The following GRID1 variants were observed in gnomAD, a reference collection of about 807,000 sequenced individuals.
GRID1 encodes glutamate receptor ionotropic, delta-1.
In GRID1, 28 loss-of-function variants were observed where a neutral mutation model predicts 98.0. The ratio of observed to expected loss-of-function variants is 0.29; its 90% CI spans 0.21 to 0.39. GRID1 has a LOEUF of 0.39. Ranked by LOEUF, GRID1 falls within the 10% of genes least tolerant of loss-of-function variation. GRID1 has a pLI of 1.00. For synonymous variants in GRID1, 553 were observed against 538.5 expected (o/e 1.03, Z -0.37); for missense variants, 1,111 against 1,340.5 (o/e 0.83, Z 2.67).
chr10:86,324,154 G>C (rs1412825978), intron 2 of GRID1, among the ~76,000 whole-genome samples: 1 of 152,068 alleles, frequency 6.6e-6, no homozygotes, highest in Non-Finnish European at 1.5e-5. Context: ...ACTCCAGCCT[G>C]GGTGACAGAG....
chr10:85,881,129 C>T (rs574285540), intron 5 of GRID1, among the ~76,000 whole-genome samples: 1 of 152,222 alleles, frequency 6.6e-6, no homozygotes, highest in African/African-American at 2.4e-5. Flanking sequence ...AAAGAGGATA[C>T]AAAGAAATGG....
chr10:86,090,635 T>A (rs1844132216), intron 4 of GRID1, among the ~76,000 whole-genome samples: 1 of 151,664 alleles, frequency 6.6e-6, no homozygotes, highest in Non-Finnish European at 1.5e-5. Flanking sequence ...CAGGGAAACA[T>A]GACAGACAGG....
At chr10:86,007,582 A>AGATGTCAGGAG (rs1842875449) in intron 4 of GRID1, among the ~76,000 whole-genome samples, 1 of 152,234 alleles carries the variant, frequency 6.6e-6, no homozygotes, top group Non-Finnish European at 1.5e-5. Context: ...TCTTTATACA[A>AGATGTCAGGAG]TATCACTGCT....
At chr10:86,079,515 G>A (rs1263721249) in intron 4 of GRID1, among the ~76,000 whole-genome samples, 1 of 152,164 alleles carries the variant, frequency 6.6e-6, no homozygotes, top group East Asian at 1.9e-4. Flanking sequence ...ACCAGGAAGT[G>A]AGGGAAATAG....
chr10:86,310,671 G>A (rs909639735), intron 2 of GRID1, among the ~76,000 whole-genome samples: 4 of 152,148 alleles, frequency 2.6e-5, no homozygotes, highest in African/African-American at 9.7e-5. Flanking sequence ...TCCAGAAAAG[G>A]CAGCTGATGG....
chr10:86,253,237 G>T (rs1336683174), intron 2 of GRID1, among the ~76,000 whole-genome samples: 1 of 152,202 alleles, frequency 6.6e-6, no homozygotes, highest in Non-Finnish European at 1.5e-5. Context: ...ATCTCCAAAA[G>T]CCGGGTTCCA....
chr10:85,832,056 T>C (rs982086551), intron 8 of GRID1, among the ~76,000 whole-genome samples: 2 of 151,864 alleles, frequency 1.3e-5, no homozygotes, highest in African/African-American at 4.8e-5. Flanking sequence ...AGAAAACAAT[T>C]TTTTTTGTGC....
intron 4 of GRID1, among the ~76,000 whole-genome samples, chr10:86,101,066 C>T (rs758364203): frequency 3.3e-5 from 5 of 151,848 alleles, no homozygotes; most frequent in South Asian, 2.1e-4. Flanking sequence ...ATCTGGAAGT[C>T]GATTTTTCCA....
intron 4 of GRID1, among the ~76,000 whole-genome samples, chr10:86,043,441 TC>T (rs1843375635): frequency 6.6e-6 from 1 of 152,168 alleles, no homozygotes; most frequent in Admixed American, 6.5e-5. Context: ...AAGGCAGTCC[TC>T]CCCTGGGAGT....
At chr10:85,722,202 T>C (rs1012407245) in intron 12 of GRID1, among the ~76,000 whole-genome samples, 3 of 152,144 alleles carry the variant, frequency 2.0e-5, no homozygotes, top group Non-Finnish European at 2.9e-5. Context: ...AGAACCAATA[T>C]GATGACAGTG....
intron 4 of GRID1, among the ~76,000 whole-genome samples, chr10:86,077,067 A>G (rs1022046320): frequency 1.2e-4 from 16 of 137,244 alleles, no homozygotes; most frequent in Non-Finnish European, 1.8e-4. Context: ...AGGGGACACA[A>G]TTCAACTCAT....
chr10:85,906,531 T>C (rs973735615), intron 5 of GRID1, among the ~76,000 whole-genome samples: 2 of 152,154 alleles, frequency 1.3e-5, no homozygotes, highest in East Asian at 3.9e-4. Context: ...TTTAAAAGGA[T>C]CCAAATAATA....
intron 4 of GRID1, among the ~76,000 whole-genome samples, chr10:86,030,939 A>G (rs546911425): frequency 1.3e-4 from 20 of 152,138 alleles, no homozygotes; most frequent in Non-Finnish European, 2.5e-4. Flanking sequence ...CGTGTACAGT[A>G]AGGAGCAAAC....
At chr10:85,992,481 A>T (rs1263228960) in intron 4 of GRID1, among the ~76,000 whole-genome samples, 1 of 152,036 alleles carries the variant, frequency 6.6e-6, no homozygotes, top group Non-Finnish European at 1.5e-5. Flanking sequence ...GTTTTGTGAA[A>T]ACATGTGGGG....
intron 2 of GRID1, among the ~76,000 whole-genome samples, chr10:86,261,958 G>A (rs1292858298): frequency 6.6e-6 from 1 of 152,232 alleles, no homozygotes; most frequent in Non-Finnish European, 1.5e-5. Flanking sequence ...ATCAGCCCAG[G>A]AGCTTCACTC....
chr10:86,149,625 G>A (rs1437700457), intron 3 of GRID1, among the ~76,000 whole-genome samples: 1 of 152,180 alleles, frequency 6.6e-6, no homozygotes, highest in African/African-American at 2.4e-5. Flanking sequence ...TAAAATAAAC[G>A]TCTACTCTGG....
At chr10:85,933,045 G>A (rs553889729) in intron 4 of GRID1, among the ~76,000 whole-genome samples, 1 of 152,142 alleles carries the variant, frequency 6.6e-6, no homozygotes, top group African/African-American at 2.4e-5. Context: ...AATAGAAGGT[G>A]TTTGTGTCAT....
chr10:85,612,610 C>G (rs1342176592), intron 15 of GRID1, among the ~76,000 whole-genome samples: 2 of 152,082 alleles, frequency 1.3e-5, no homozygotes, highest in South Asian at 4.2e-4. Flanking sequence ...AGTGACAGCC[C>G]CACGGATGGT....
intron 5 of GRID1, among the ~76,000 whole-genome samples, chr10:85,901,221 ATTTTAT>A (rs539117546): frequency 1.0e-3 from 150 of 146,496 alleles, no homozygotes; most frequent in African/African-American, 3.8e-3. Flanking sequence ...CATTTATTTT[ATTTTAT>A]TTTATTTATT....
Sources: gnomAD v4.1 joint callset for allele counts (sites outside exome capture counted in the v4.1 genomes callset) on GRCh38, gnomAD v4.1.1 for gene constraint, MANE v1.5 for transcripts, NCBI Gene and HGNC (gene_info 2026-07-23, HGNC 2026-07-21) for gene names.